The following NSD1 variants were observed in gnomAD, a reference collection of about 807,000 sequenced individuals.
The protein encoded by NSD1 is nuclear receptor binding SET domain protein 1.
NSD1 carries 26 observed loss-of-function variants against 242.7 expected under a neutral mutation model. The ratio of observed to expected loss-of-function variants is 0.11; its 90% CI spans 0.08 to 0.15. NSD1 has a LOEUF of 0.15. Among genes scored for constraint, NSD1 ranks in the 10% least tolerant of loss-of-function variants. The pLI is 1.00. For missense variants in NSD1, 2,495 were observed against 3,272.8 expected (o/e 0.76, Z 5.80); for synonymous variants, 1,106 against 1,178.1 (o/e 0.94, Z 1.25).
At chr5:177,241,587 A>G (rs922359064) in intron 8 of NSD1, among the ~76,000 whole-genome samples, 5 of 152,084 alleles carry the variant, frequency 3.3e-5, no homozygotes, top group Non-Finnish European at 5.9e-5. Context: ...AGTATTAATT[A>G]TACTTAATAA....
rs146535834 is a variant in NSD1, at chr5:177,285,345, C to T, written c.6151+1417C>T. Among the ~76,000 whole-genome samples, 1,170 of 151,940 alleles carry T rather than the reference C, an allele frequency of 7.7e-3. 18 individuals carry two copies. Among genetic ancestry groups the T allele is most frequent in the African/African-American group, 0.027 (1,114 of 41,424 alleles). ...TTGGGAGGCCAACACGGGCAGATCACGAGGTCAGGAGATCGAGACCATCCT... is the reference window on the plus strand; with the variant it reads ...TTGGGAGGCCAACACGGGCAGATCATGAGGTCAGGAGATCGAGACCATCCT... On this transcript the variant is annotated intron_variant, in intron 20 of 22. Coordinates refer to ENST00000439151, the MANE Select transcript of NSD1 (RefSeq NM_022455.5).
chr5:177,163,303 C>T (rs950099535), intron 2 of NSD1, among the ~76,000 whole-genome samples: 3 of 151,838 alleles, frequency 2.0e-5, no homozygotes, highest in Admixed American at 6.6e-5. Flanking sequence ...TCACCATGCC[C>T]GGCTAATTTT....
chr5:177,166,976 C>T (rs1408055581), intron 2 of NSD1, among the ~76,000 whole-genome samples: 1 of 151,636 alleles, frequency 6.6e-6, no homozygotes, highest in Non-Finnish European at 1.5e-5. Context: ...GAACACCTGA[C>T]CTCAAGTGAT....
intron 5 of NSD1, among the ~76,000 whole-genome samples, chr5:177,217,556 C>T (rs1171578741): frequency 6.6e-6 from 1 of 151,876 alleles, no homozygotes; most frequent in East Asian, 1.9e-4. Context: ...GAAAAGCTTT[C>T]AGTGTTTCAC....
chr5:177,287,903 C>T (rs1038862804), intron 20 of NSD1, among the ~76,000 whole-genome samples: 2 of 152,076 alleles, frequency 1.3e-5, no homozygotes, highest in African/African-American at 4.8e-5. Context: ...CTTTAACATT[C>T]GATGAAAAAC....
intron 2 of NSD1, among the ~76,000 whole-genome samples, chr5:177,181,294 C>A (rs1218822871): frequency 1.3e-5 from 2 of 151,858 alleles, no homozygotes; most frequent in Non-Finnish European, 2.9e-5. Flanking sequence ...CTCCAGAAAA[C>A]ACCCAAAAAG....
chr5:177,186,235 G>T (rs1761221746), intron 2 of NSD1, among the ~76,000 whole-genome samples: 1 of 148,356 alleles, frequency 6.7e-6, no homozygotes. Flanking sequence ...AAGCTGCAAT[G>T]GGCTGTGATC....
At chr5:177,154,092 C>G (rs1757937531) in intron 2 of NSD1, among the ~76,000 whole-genome samples, 1 of 152,130 alleles carries the variant, frequency 6.6e-6, no homozygotes, top group Non-Finnish European at 1.5e-5. Context: ...CAAGACGGCT[C>G]ACTCATATGG....
chr5:177,147,885 C>T (rs542862398), intron 2 of NSD1, among the ~76,000 whole-genome samples: 25 of 151,986 alleles, frequency 1.6e-4, no homozygotes, highest in Non-Finnish European at 3.4e-4. Flanking sequence ...CCACTGCGCA[C>T]GGCCCTAGTT....
chr5:177,209,549 T>TAA (rs1417667748), intron 4 of NSD1, 87 bp from the exon 5 acceptor site: 7 of 732,768 alleles, frequency 9.6e-6, no homozygotes, highest in East Asian at 6.4e-5. Context: ...AAAAAAGGAA[T>TAA]AAAAAAAAAA....
intron 12 of NSD1, among the ~76,000 whole-genome samples, chr5:177,255,508 G>T (rs999616308): frequency 6.6e-6 from 1 of 152,118 alleles, no homozygotes; most frequent in African/African-American, 2.4e-5. Flanking sequence ...TCAAGCTTAG[G>T]CTCTTTTTCT....
chr5:177,294,965 C>G lies in NSD1; in HGVS notation c.7597C>G (p.Leu2533Val), dbSNP rs398124386. ...GGACCCCTGGCAAGCTGTTAAATCACTCACCCAGGCCAGACTTCTTTCTCA... is the reference window on the plus strand; with the variant it reads ...GGACCCCTGGCAAGCTGTTAAATCAGTCACCCAGGCCAGACTTCTTTCTCA... The part of the protein sequence containing the change: ...SEDPWQAVKS[L>V]TQARLLSQPP... The change falls in exon 23 of 23, where the codon CTC becomes GTC. Residue 2533 changes from leucine to valine, a missense_variant. This residue lies in a region of NSD1 where 475 missense variants were observed against 563.7 expected (regional missense o/e 0.84). Coordinates refer to ENST00000439151, the MANE Select transcript of NSD1 (RefSeq NM_022455.5). 184 of 1,614,150 alleles carry G rather than the reference C, an allele frequency of 1.1e-4. No homozygotes were observed. Among genetic ancestry groups the G allele is most frequent in the Non-Finnish European group, 1.5e-4 (181 of 1,180,056 alleles).
At chr5:177,152,225 T>A (rs1757769655) in intron 2 of NSD1, among the ~76,000 whole-genome samples, 1 of 151,406 alleles carries the variant, frequency 6.6e-6, no homozygotes, top group Non-Finnish European at 1.5e-5. Context: ...AGGCTAGTCT[T>A]TAATTCTTGG....
rs1033687889 is a variant in NSD1 at position 177,155,188 on chromosome 5, C to T, written c.927+19158C>T. On this transcript the variant is annotated intron_variant, in intron 2 of 22. Coordinates refer to ENST00000439151, the MANE Select transcript of NSD1 (RefSeq NM_022455.5). ...TATTTTAGTAGAGACTAGGTTTCTC[C>T]ATGTTGGTCAGGCTCGTGTCAAACT... Among the ~76,000 whole-genome samples, 3 of 152,226 alleles carry T rather than the reference C, an allele frequency of 2.0e-5. No homozygotes were observed. In the East Asian group the frequency reaches 5.8e-4, roughly 29 times the overall value.
At chr5:177,248,433 T>G (rs1766469548) in intron 11 of NSD1, 109 bp downstream of exon 11, 1 of 1,340,230 alleles carries the variant, frequency 7.5e-7, no homozygotes, top group East Asian at 2.5e-5. Flanking sequence ...TGCTTTTGGA[T>G]GATTCCAGTG....
chr5:177,134,890 GC>G lies in NSD1; in HGVS notation c.-17-194del, dbSNP rs1035689601. 4.6e-5 allele frequency among the ~76,000 whole-genome samples: 7 copies of G among 152,174 alleles called. No homozygotes were observed. The highest frequency in any genetic ancestry group is 1.7e-4 in the African/African-American group (7 of 41,436). ...GGGCTGTTTCTATGTAGCAGGATCG[GC>G]CCAGCTTCGGGAAAATGGAGTTTTC... On this transcript the variant is annotated intron_variant, in intron 1 of 22. Transcript: ENST00000439151. The surrounding 1 kb of genome is among the most constrained non-coding windows in gnomAD (Gnocchi z 4.2).
Position 177,212,040 on chromosome 5 carries a change from T to C in NSD1, c.3641T>C (p.Leu1214Pro). Residue 1214 changes from leucine (L) to proline (P), a missense_variant, in exon 5 of 23, where the codon CTT (leucine) becomes CCT (proline). Physicochemically the swap from Leu to Pro is moderately conservative, Grantham distance 98. Transcript: ENST00000439151. ...PEHRTPSASILEEPLTEQNHA... is the reference protein window; with the variant it reads ...PEHRTPSASIPEEPLTEQNHA... ...CATAGAACTCCTTCAGCAAGCATAC[T>C]TGAGGAACCACTGACAGAGCAAAAT... The C allele has an allele frequency of 6.2e-7, 1 of 1,614,090 alleles. No homozygotes were observed. Among genetic ancestry groups the C allele is most frequent in the South Asian group, 1.1e-5 (1 of 91,080 alleles).
At chr5:177,165,744 G>T (rs1394882546) in intron 2 of NSD1, among the ~76,000 whole-genome samples, 1 of 151,898 alleles carries the variant, frequency 6.6e-6, no homozygotes, top group Non-Finnish European at 1.5e-5. Context: ...GACTACAGGT[G>T]TACACCACCA....
At chr5:177,218,702 G>T (rs1246976726) in intron 5 of NSD1, among the ~76,000 whole-genome samples, 1 of 151,738 alleles carries the variant, frequency 6.6e-6, no homozygotes, top group Non-Finnish European at 1.5e-5. Flanking sequence ...TGAGTAGCTG[G>T]GACTACAGGC....
Sources: gnomAD v4.1 joint callset for allele counts (sites outside exome capture counted in the v4.1 genomes callset) on GRCh38, gnomAD v4.1.1 for gene constraint, gnomAD v4.1.1 regional missense constraint, Gnocchi (gnomAD v3.1) non-coding constraint, MANE v1.5 for transcripts, NCBI Gene and HGNC (gene_info 2026-07-23, HGNC 2026-07-21) for gene names.